Variants in SKOR2 observed in about 807,000 individuals in gnomAD.
The protein encoded by SKOR2 is LBX1 corepressor 1-like protein.
Under a neutral mutation model 69.1 loss-of-function variants are expected in SKOR2, and 47 were observed. That is an observed-to-expected ratio of 0.68 (90% CI 0.54 to 0.87). The LOEUF (loss-of-function observed/expected upper bound fraction) is 0.87, where lower values mean the gene tolerates loss of function less well. Ranked by LOEUF, SKOR2 falls within the 40% of genes least tolerant of loss-of-function variation. The pLI is 0.00. For synonymous variants in SKOR2, 717 were observed against 672.6 expected, an observed-to-expected ratio of 1.07 and a Z score of -1.02; for missense variants, 1,404 against 1,472.2, an observed-to-expected ratio of 0.95 and a Z score of 0.76.
rs537059204 is a variant in SKOR2 at position 47,227,177 on chromosome 18, C to T, written c.2917+3282G>A. Among the ~76,000 whole-genome samples the T allele has an allele frequency of 2.0e-5, 3 of 151,974 alleles. No individual in the cohort carries two copies. The South Asian group carries it at 6.2e-4, about 32-fold the overall frequency. ...CCTCCTTCTTCCTCCTTTCCTGCCT[C>T]TTCCTCCTCCTTCTCCTTTTTCCCT... On this transcript the variant is annotated intron_variant, in intron 6 of 8. Coordinates refer to ENST00000425639, the MANE Select transcript of SKOR2 (RefSeq NM_001278063.4).
At position 47,247,877 on chromosome 18, in the gene SKOR2, C is replaced by A. The variant is rs547771874; in HGVS notation, c.1307G>T (p.Gly436Val). The A allele has an allele frequency of 2.5e-5, 34 of 1,354,496 alleles. No individual in the cohort carries two copies. The South Asian group carries it at 5.4e-4, about 21-fold the overall frequency. 83.9% of individuals were successfully genotyped at this position (1,354,496 alleles called of 1,614,324 possible). A position where few individuals can be genotyped will look rare whatever the true frequency, so the allele number is the denominator to read the frequency against. Residue 436 changes from glycine to valine, a missense_variant, in exon 2 of 9, where the codon GGC becomes GTC. Coordinates refer to ENST00000425639, the MANE Select transcript of SKOR2 (RefSeq NM_001278063.4). This position sits in a 1 kb window ranked among gnomAD's most constrained non-coding sequence, Gnocchi z 6.6. ...DAGAAAEALG[G>V]AGAGGAGAAP... ...CGCGCCCGCGCCGCCTGCGCCCGCG[C>A]CCCCCAGGGCCTCAGCGGCGGCACC...
chr18:47,245,643 TCAA>T, intron 2 of SKOR2, 82 bp from the exon 3 acceptor site: 1 of 1,312,138 alleles, frequency 7.6e-7, no homozygotes, highest in South Asian at 1.5e-5. Flanking sequence ...GGAAGAAGCA[TCAA>T]TAAAAGTGAC....
At chr18:47,235,023 C>G (rs1033073397) in intron 4 of SKOR2, among the ~76,000 whole-genome samples, 1 of 151,970 alleles carries the variant, frequency 6.6e-6, no homozygotes, top group Admixed American at 6.6e-5. Flanking sequence ...TGGAGAGTAA[C>G]GGGTAACTAG....
intron 4 of SKOR2, among the ~76,000 whole-genome samples, chr18:47,240,729 A>G (rs1197895503): frequency 6.6e-6 from 1 of 152,250 alleles, no homozygotes; most frequent in East Asian, 1.9e-4. Flanking sequence ...ACTGGAACAA[A>G]GTATTGTTGC....
At chr18:47,224,079 T>C (rs2064170561) in intron 6 of SKOR2, among the ~76,000 whole-genome samples, 2 of 152,040 alleles carry the variant, frequency 1.3e-5, no homozygotes. Flanking sequence ...CTACTTTTTT[T>C]GTATTTTTGG....
At chr18:47,233,515 T>TA (rs2144498945) in intron 4 of SKOR2, among the ~76,000 whole-genome samples, 1 of 152,372 alleles carries the variant, frequency 6.6e-6, no homozygotes, top group East Asian at 1.9e-4. Context: ...GTTTCAAAAA[T>TA]ACTGGCATAC....
At chr18:47,223,994 C>T (rs2668776) in intron 6 of SKOR2, among the ~76,000 whole-genome samples, 86,011 of 151,470 alleles carry the variant, frequency 0.57, 24,586 homozygotes, top group African/African-American at 0.64. Flanking sequence ...CAACCTCTGC[C>T]TCCTGGGTTC....
rs2064129887 is a variant in SKOR2, at chr18:47,212,170, C to T, written c.2986-19G>A. 1.5e-5 allele frequency: 18 copies of T among 1,231,728 alleles called. No homozygotes were observed. The South Asian group carries it at 6.2e-4, about 42-fold the overall frequency. 76.3% of individuals were successfully genotyped at this position (1,231,728 alleles called of 1,614,324 possible). A position where few individuals can be genotyped will look rare whatever the true frequency, so the allele number is the denominator to read the frequency against. ...AGGGGATCTGTAAGACAAAAACAAG[C>T]AACACCATCCAGGTAAGCTAGATTT... On this transcript the variant is annotated intron_variant, in intron 7 of 8. Transcript: ENST00000425639.
At chr18:47,244,221 A>T (rs1455835620) in intron 4 of SKOR2, among the ~76,000 whole-genome samples, 3 of 152,046 alleles carry the variant, frequency 2.0e-5, no homozygotes, top group Non-Finnish European at 4.4e-5. Context: ...TCTCTGTCTC[A>T]TTTGACAGGC....
At chr18:47,224,936 T>A (rs577070586) in intron 6 of SKOR2, among the ~76,000 whole-genome samples, 88 of 151,978 alleles carry the variant, frequency 5.8e-4, no homozygotes, top group African/African-American at 1.7e-3. Flanking sequence ...TAAAAAAAAA[T>A]TTTTTTCATA....
rs10670977 is a variant in SKOR2 at position 47,245,478 on chromosome 18, ATT to A, written c.2677+18_2677+19del. ...ATGCAGGCAAGAAAAGTGGCAGCTG[ATT>A]TTTTTTTTTTTTTTTACCTGAAAAG... is the stretch of plus-strand genomic sequence containing the variant. On this transcript the variant is annotated intron_variant, in intron 3 of 8. Coordinates refer to ENST00000425639, the MANE Select transcript of SKOR2 (RefSeq NM_001278063.4). The A allele has an allele frequency of 0.022, 26,366 of 1,177,318 alleles. No individual in the cohort carries two copies. The highest frequency in any genetic ancestry group is 0.042 in the South Asian group (2,353 of 55,618). 72.9% of individuals were successfully genotyped at this position (1,177,318 alleles called of 1,614,324 possible).
At chr18:47,221,416 AAGG>A (rs1332058696) in intron 6 of SKOR2, among the ~76,000 whole-genome samples, 1 of 152,176 alleles carries the variant, frequency 6.6e-6, no homozygotes, top group Non-Finnish European at 1.5e-5. Flanking sequence ...AAAGACATGG[AAGG>A]AGGAGAGGGG....
At position 47,236,377 on chromosome 18, in the gene SKOR2, C is replaced by T. The variant is rs187040881; in HGVS notation, c.2753-5377G>A. ...ATGTCATTTCTCTGTCCTAAGGTGCCCTCTCCTCTCTTTCTTGTGCAACCA... is the reference window on the plus strand; with the variant it reads ...ATGTCATTTCTCTGTCCTAAGGTGCTCTCTCCTCTCTTTCTTGTGCAACCA... On this transcript the variant is annotated intron_variant, in intron 4 of 8. Transcript: ENST00000425639. Among the ~76,000 whole-genome samples, 351 of 152,194 alleles carry T rather than the reference C, an allele frequency of 2.3e-3. 2 individuals are homozygous for T. Among genetic ancestry groups the T allele is most frequent in the African/African-American group, 7.9e-3 (328 of 41,520 alleles).
In SKOR2 at chr18:47,245,478, A is replaced by ATTTTT. The variant is rs10670977; in HGVS notation, c.2677+15_2677+19dup. On this transcript the variant is annotated intron_variant, in intron 3 of 8. Transcript: ENST00000425639. ...ATGCAGGCAAGAAAAGTGGCAGCTGATTTTTTTTTTTTTTTTTACCTGAAA... is the reference window on the plus strand; with the variant it reads ...ATGCAGGCAAGAAAAGTGGCAGCTGATTTTTTTTTTTTTTTTTTTTTTACCTGAAA... The ATTTTT allele has an allele frequency of 9.1e-3, 10,742 of 1,185,042 alleles. 131 individuals carry two copies. Among genetic ancestry groups the ATTTTT allele is most frequent in the African/African-American group, 0.016 (684 of 43,712 alleles). The allele number at this position is 1,185,042 out of a possible 1,614,324, so 73.4% of individuals were successfully genotyped here.
At chr18:47,249,579 G>T (rs1015858213) in intron 1 of SKOR2, among the ~76,000 whole-genome samples, 4 of 152,234 alleles carry the variant, frequency 2.6e-5, no homozygotes, top group Non-Finnish European at 5.9e-5. Context: ...AACGATAGTT[G>T]TAACTAGTAC....
chr18:47,208,901 C>T (rs1475294520), intron 8 of SKOR2, among the ~76,000 whole-genome samples: 1 of 152,166 alleles, frequency 6.6e-6, no homozygotes, highest in Non-Finnish European at 1.5e-5. Context: ...TACACTTTAA[C>T]AGCTGGTAGC....
intron 6 of SKOR2, among the ~76,000 whole-genome samples, chr18:47,223,972 C>A (rs2064170084): frequency 6.6e-6 from 1 of 151,428 alleles, no homozygotes; most frequent in African/African-American, 2.4e-5. Context: ...GTGGCATGAT[C>A]TCAGCTTGCT....
In SKOR2 at chr18:47,251,392, C is replaced by T. The variant is rs111720737; in HGVS notation, c.-66G>A. The T allele has an allele frequency of 2.6e-5, 4 of 152,272 alleles. No individual in the cohort carries two copies. Among genetic ancestry groups the T allele is most frequent in the African/African-American group, 9.6e-5 (4 of 41,456 alleles). 9.4% of individuals were successfully genotyped at this position (152,272 alleles called of 1,614,324 possible). A position where few individuals can be genotyped will look rare whatever the true frequency, so the allele number is the denominator to read the frequency against. ...GCAATACCTGGTAACCTCTGGGTGT[C>T]TTTAGGCGTGTGGCTGCCGGCCCAT... On this transcript the variant is annotated 5_prime_UTR_variant, in exon 1 of 9. Transcript: ENST00000425639.
Position 47,229,460 on chromosome 18 carries a change from C to G in SKOR2, c.2917+999G>C, listed in dbSNP as rs2064189724. ...CCTGAGGTCAGGAGTTCGAGACCTG[C>G]CTGACCAATATGGTGAAACTCTGCC... On this transcript the variant is annotated intron_variant, in intron 6 of 8. Coordinates refer to ENST00000425639, the MANE Select transcript of SKOR2 (RefSeq NM_001278063.4). Among the ~76,000 whole-genome samples the G allele has an allele frequency of 2.0e-5, 3 of 152,170 alleles. No homozygotes were observed. The South Asian group carries it at 6.2e-4, about 32-fold the overall frequency.
Sources: gnomAD v4.1 joint callset for allele counts (sites outside exome capture counted in the v4.1 genomes callset) on GRCh38, gnomAD v4.1.1 for gene constraint, Gnocchi (gnomAD v3.1) non-coding constraint, MANE v1.5 for transcripts, NCBI Gene and HGNC (gene_info 2026-07-23, HGNC 2026-07-21) for gene names.